PPP4R1: variants seen among roughly 807,000 people sequenced by gnomAD.
PPP4R1 encodes the protein protein phosphatase 4 regulatory subunit 1.
Under a neutral mutation model 111.2 loss-of-function variants are expected in PPP4R1, and 42 were observed. The ratio of observed to expected loss-of-function variants is 0.38; its 90% CI spans 0.29 to 0.49. The LOEUF (loss-of-function observed/expected upper bound fraction) is 0.49. PPP4R1 is among the 20% of genes least tolerant of loss of function. The probability of loss-of-function intolerance (pLI) is 0.97; values close to 1 mark genes in which losing one functional copy is unlikely to be tolerated. For missense variants in PPP4R1, 1,012 were observed against 1,161.6 expected (o/e 0.87, Z 1.87); for synonymous variants, 409 against 405.5 (o/e 1.01, Z -0.10).
intron 2 of PPP4R1, among the ~76,000 whole-genome samples, chr18:9,600,729 A>C (rs1302213817): frequency 6.6e-6 from 1 of 152,036 alleles, no homozygotes. Context: ...AGATACAAAA[A>C]TATTAGCTGG....
At chr18:9,602,908 T>C (rs2067415402) in intron 2 of PPP4R1, among the ~76,000 whole-genome samples, 1 of 152,138 alleles carries the variant, frequency 6.6e-6, no homozygotes, top group South Asian at 2.1e-4. Context: ...GTAAGAGAGA[T>C]CTGGATTCAA....
chr18:9,554,203 C>T (rs186043881), intron 15 of PPP4R1, among the ~76,000 whole-genome samples: 2 of 151,410 alleles, frequency 1.3e-5, no homozygotes, highest in Admixed American at 1.3e-4. Flanking sequence ...TCTCGGCTCA[C>T]TGCAACCTCC....
intron 9 of PPP4R1, among the ~76,000 whole-genome samples, chr18:9,580,980 G>A (rs1225451178): frequency 6.6e-6 from 1 of 152,168 alleles, no homozygotes; most frequent in Non-Finnish European, 1.5e-5. Context: ...GTCATACCAG[G>A]GTGGCTGTGG....
intron 11 of PPP4R1, among the ~76,000 whole-genome samples, chr18:9,564,723 TGTGTGTGTGTGTGTGG>T (rs2066734519): frequency 2.0e-5 from 1 of 50,626 alleles, no homozygotes; most frequent in Non-Finnish European, 4.6e-5. Flanking sequence ...TGTGTGTGTG[TGTGTGTGTGTGTGTGG>T]GGGTATCATC....
At chr18:9,565,426 T>C (rs1178757531) in intron 11 of PPP4R1, among the ~76,000 whole-genome samples, 1 of 152,104 alleles carries the variant, frequency 6.6e-6, no homozygotes, top group Non-Finnish European at 1.5e-5. Context: ...TCACTTTAAA[T>C]CCAAAGCTAG....
At position 9,595,089 on chromosome 18, in the gene PPP4R1, G is replaced by A; in HGVS notation, c.117C>T (p.Val39=). 1 of 1,613,916 alleles carries A rather than the reference G, an allele frequency of 6.2e-7. No individual in the cohort carries two copies. The highest frequency in any genetic ancestry group is 8.5e-7 in the Non-Finnish European group (1 of 1,179,842). ...GGGGCGTCAACATTTCATCTTGTGA[G>A]ACAAAGTCCAGGGCTGAAGGTATAA... ...VIIIPSALDF[V]SQDEMLTPLG... The change falls in exon 3 of 20, where the codon GTC becomes GTT. Residue 39 remains valine, a synonymous_variant. Coordinates refer to ENST00000400556, the MANE Select transcript of PPP4R1 (RefSeq NM_001042388.3).
Position 9,584,638 on chromosome 18 carries a change from T to C in PPP4R1, c.694-58A>G, listed in dbSNP as rs182803146. ...TATTACACATAAGGTTCTTCTAAGA[T>C]AATCTTTTAAATATCATGTATCAGT... On this transcript the variant is annotated intron_variant, in intron 7 of 19. Transcript: ENST00000400556. 4 of 1,602,942 alleles carry C rather than the reference T, an allele frequency of 2.5e-6. No individual in the cohort carries two copies. In the Admixed American group the frequency reaches 5.1e-5, roughly 20 times the overall value.
chr18:9,591,653 A>G (rs2067213824), intron 4 of PPP4R1, among the ~76,000 whole-genome samples: 1 of 152,230 alleles, frequency 6.6e-6, no homozygotes, highest in Non-Finnish European at 1.5e-5. Flanking sequence ...CTATCACAAT[A>G]AGCCCAGTCC....
At position 9,553,437 on chromosome 18, in the gene PPP4R1, T is replaced by C. The variant is rs182364341; in HGVS notation, c.2191-15A>G. On this transcript the variant is annotated splice_polypyrimidine_tract_variant and intron_variant, in intron 15 of 19. Coordinates refer to ENST00000400556, the MANE Select transcript of PPP4R1 (RefSeq NM_001042388.3). Reference sequence around the variant, plus strand: ...ATATGAAGAAGCTAAAGTAACAAAATAAAAATATTTACCAGGACAAGGTAC... The same window carrying C: ...ATATGAAGAAGCTAAAGTAACAAAACAAAAATATTTACCAGGACAAGGTAC... 1.4e-4 allele frequency: 216 copies of C among 1,493,046 alleles called. 2 individuals are homozygous for C. The African/African-American group carries it at 2.8e-3, about 20-fold the overall frequency. 92.5% of individuals were successfully genotyped at this position (1,493,046 alleles called of 1,614,324 possible).
At chr18:9,601,007 G>A (rs2067372652) in intron 2 of PPP4R1, among the ~76,000 whole-genome samples, 1 of 152,138 alleles carries the variant, frequency 6.6e-6, no homozygotes, top group African/African-American at 2.4e-5. Context: ...ATGTAGCTCT[G>A]CATAACTAAA....
chr18:9,609,653 A>G (rs778041942), intron 2 of PPP4R1, among the ~76,000 whole-genome samples: 2 of 152,274 alleles, frequency 1.3e-5, no homozygotes, highest in African/African-American at 2.4e-5. Flanking sequence ...AGCTGAGATA[A>G]AAGTTAACGA....
At chr18:9,593,654 A>G in intron 4 of PPP4R1, 114 bp downstream of exon 4, 2 of 924,702 alleles carry the variant, frequency 2.2e-6, no homozygotes, top group Non-Finnish European at 3.2e-6. Flanking sequence ...ATTACTTAGG[A>G]AATATTTTAA....
intron 2 of PPP4R1, among the ~76,000 whole-genome samples, chr18:9,597,939 T>C (rs1324999428): frequency 3.3e-5 from 5 of 151,938 alleles, no homozygotes; most frequent in Admixed American, 3.3e-4. Flanking sequence ...CTATATTCCA[T>C]ACATTTAAGA....
chr18:9,613,996 A>G, intron 2 of PPP4R1: 1 of 292,334 alleles, frequency 3.4e-6, no homozygotes. Flanking sequence ...AAGGGCGGAA[A>G]GCGAACTTGG....
chr18:9,609,192 T>A (rs923016858), intron 2 of PPP4R1, among the ~76,000 whole-genome samples: 7 of 152,192 alleles, frequency 4.6e-5, no homozygotes, highest in Admixed American at 2.0e-4. Context: ...TATCTCTAAA[T>A]AAAGATCTCT....
In PPP4R1 at chr18:9,566,632, C is replaced by T. The variant is rs540638881; in HGVS notation, c.1574-3082G>A. On this transcript the variant is annotated intron_variant, in intron 11 of 19. Coordinates refer to ENST00000400556, the MANE Select transcript of PPP4R1 (RefSeq NM_001042388.3). ...CACCACTGCACTCCAGCCTGGGTGA[C>T]GGAGTGAGGCGCTGTGACACACACA... Among the ~76,000 whole-genome samples the T allele has an allele frequency of 8.2e-5, 12 of 146,568 alleles. No individual in the cohort carries two copies. The East Asian group carries it at 1.0e-3, about 12-fold the overall frequency.
intron 10 of PPP4R1, 22 bp downstream of exon 10, chr18:9,577,042 G>C (rs751062953): frequency 6.7e-7 from 1 of 1,497,546 alleles, no homozygotes; most frequent in Non-Finnish European, 9.0e-7. Context: ...TTTAAAATTA[G>C]AAAATGGTTT....
Position 9,595,152 on chromosome 18 carries a change from A to C in PPP4R1, c.54T>G (p.Phe18Leu), listed in dbSNP as rs1372369535. ...ACTCTGAGCTGTAGTCATCCACACC[A>C]ACTATCAGAGACATCAGAAATACTC... ...QEDLQEDADG[F>L]GVDDYSSESD... is the part of the protein sequence containing the mutation. The change falls in exon 3 of 20, where the codon TTT becomes TTG. Residue 18 changes from phenylalanine to leucine, a missense_variant and splice_region_variant. Phe to Leu is a conservative substitution (Grantham distance 22, BLOSUM62 0). Around this residue, in one of 2 missense-constraint regions of PPP4R1, gnomAD observed 707 missense variants for 742.1 expected, o/e 0.95. Coordinates refer to ENST00000400556, the MANE Select transcript of PPP4R1 (RefSeq NM_001042388.3). The C allele has an allele frequency of 1.9e-6, 3 of 1,613,656 alleles. No homozygotes were observed. The Admixed American group carries it at 5.0e-5, about 27-fold the overall frequency.
intron 11 of PPP4R1, among the ~76,000 whole-genome samples, chr18:9,568,837 A>G (rs1421708005): frequency 6.6e-6 from 1 of 152,170 alleles, no homozygotes; most frequent in Non-Finnish European, 1.5e-5. Context: ...GGAGTTCAAG[A>G]TCAGCCTGGC....
Sources: allele counts gnomAD v4.1 joint callset (sites outside exome capture counted in the v4.1 genomes callset), GRCh38; gene constraint gnomAD v4.1.1; regional missense constraint gnomAD v4.1.1; transcripts MANE v1.5; gene names NCBI Gene and HGNC (gene_info 2026-07-23, HGNC 2026-07-21).